RBBP6: variants seen among roughly 807,000 people sequenced by gnomAD.
The protein encoded by RBBP6 is RB binding protein 6, ubiquitin ligase, also known as E3 ubiquitin-protein ligase RBBP6.
A neutral mutation model predicts 167.7 loss-of-function variants in RBBP6; 25 were observed. The observed-to-expected ratio is 0.15, with a 90% confidence interval of 0.11 to 0.21. The LOEUF (loss-of-function observed/expected upper bound fraction) is 0.21. Among genes scored for constraint, RBBP6 ranks in the 10% least tolerant of loss-of-function variants. RBBP6 has a pLI of 1.00. For synonymous variants in RBBP6, 789 were observed against 735.8 expected (o/e 1.07, Z -1.17); for missense variants, 1,868 against 2,134.2 (o/e 0.88, Z 2.46).
chr16:24,564,078 A>G (rs190375093), intron 13 of RBBP6, among the ~76,000 whole-genome samples: 1 of 152,266 alleles, frequency 6.6e-6, no homozygotes, highest in Admixed American at 6.5e-5. Flanking sequence ...TAAATACATA[A>G]TAAGATTAAC....
chr16:24,540,504 C>G lies in RBBP6; in HGVS notation c.-123C>G. On this transcript the variant is annotated 5_prime_UTR_variant, in exon 1 of 18. Transcript: ENST00000319715. ...GGTTGGGGGGTATTTAATCTGAGGC[C>G]TTAGGGTCCTTCGGTGTCTTTGAGT... 1 of 1,001,188 alleles carries G rather than the reference C, an allele frequency of 1.0e-6. No individual in the cohort carries two copies. Among genetic ancestry groups the G allele is most frequent in the Non-Finnish European group, 1.4e-6 (1 of 693,312 alleles). 62.0% of individuals were successfully genotyped at this position (1,001,188 alleles called of 1,614,324 possible).
chr16:24,566,805 C>CTGTCAGTG (rs1461044789), intron 14 of RBBP6, among the ~76,000 whole-genome samples: 1 of 152,126 alleles, frequency 6.6e-6, no homozygotes, highest in Non-Finnish European at 1.5e-5. Context: ...CAGCATTAAC[C>CTGTCAGTG]TGTCAGTGCC....
At chr16:24,549,704 A>G (rs1300277307) in intron 3 of RBBP6, among the ~76,000 whole-genome samples, 1 of 152,020 alleles carries the variant, frequency 6.6e-6, no homozygotes, top group Non-Finnish European at 1.5e-5. Context: ...TTGAGTTTAT[A>G]TAAACTGATT....
intron 3 of RBBP6, among the ~76,000 whole-genome samples, chr16:24,550,371 G>GTTT (rs397952875): frequency 3.7e-4 from 50 of 134,252 alleles, no homozygotes; most frequent in Admixed American, 8.7e-4. Flanking sequence ...TTGTTTTTTT[G>GTTT]TTTTTTTTTT....
In RBBP6 at chr16:24,572,385, CAAAGAT is replaced by C. The variant is rs756010657; in HGVS notation, c.5325_5330del (p.Asp1775_Lys1776del). 9.7e-6 allele frequency: 15 copies of C among 1,547,646 alleles called. No individual in the cohort carries two copies. The highest frequency in any genetic ancestry group is 6.1e-6 in the Non-Finnish European group (7 of 1,145,862). On this transcript the variant is annotated inframe_deletion, in exon 18 of 18. Coordinates refer to ENST00000319715, the MANE Select transcript of RBBP6 (RefSeq NM_006910.5). ...ACAAGAAAAAGAAGTCAAAGAAGAA[CAAAGAT>C]AAAGAGAAGGAGAAGGAGAAAGATG...
At chr16:24,550,783 A>G (rs1300730604) in intron 3 of RBBP6, among the ~76,000 whole-genome samples, 1 of 151,436 alleles carries the variant, frequency 6.6e-6, no homozygotes, top group African/African-American at 2.4e-5. Context: ...TTTAGGTAGA[A>G]TTATCTGAAA....
chr16:24,548,033 GTTTTT>G (rs138805241), intron 2 of RBBP6, among the ~76,000 whole-genome samples: 3 of 149,366 alleles, frequency 2.0e-5, no homozygotes, highest in African/African-American at 7.4e-5. Context: ...TCAAAGCTCA[GTTTTT>G]TTTTTATCTC....
In RBBP6 at chr16:24,570,511, T is replaced by G; in HGVS notation, c.3809+12T>G. 1.3e-6 allele frequency: 2 copies of G among 1,551,730 alleles called. No homozygotes were observed. The highest frequency in any genetic ancestry group is 1.7e-6 in the Non-Finnish European group (2 of 1,159,324). On this transcript the variant is annotated intron_variant, in intron 17 of 17. Transcript: ENST00000319715. ...GTGGATTACACCAGGTAGCTGAGTGTAGGGGGTGGGTGTGGAACTTTGTTG... is the reference window on the plus strand; with the variant it reads ...GTGGATTACACCAGGTAGCTGAGTGGAGGGGGTGGGTGTGGAACTTTGTTG...
rs1157151335 is a variant in RBBP6 at position 24,561,882 on chromosome 16, C to T, written c.1010C>T (p.Pro337Leu). The T allele has an allele frequency of 3.7e-6, 6 of 1,613,728 alleles. No homozygotes were observed. The highest frequency in any genetic ancestry group is 5.1e-6 in the Non-Finnish European group (6 of 1,179,892). ...ACAAAAAGACTACGAAAACAGTTAC[C>T]TCCTCCACCACCCCCAATACCACCT... ...GYTKRLRKQLPPPPPPIPPPR... is the reference protein window; with the variant it reads ...GYTKRLRKQLLPPPPPIPPPR... Residue 337 changes from proline (P) to leucine (L), a missense_variant, in exon 10 of 18, where the codon CCT (proline) becomes CTT (leucine). This residue lies in a region of RBBP6 where 245 missense variants were observed against 240.1 expected (regional missense o/e 1.02). Coordinates refer to ENST00000319715, the MANE Select transcript of RBBP6 (RefSeq NM_006910.5).
rs765269870 is a variant in RBBP6 at position 24,563,278 on chromosome 16, G to A, written c.1369G>A (p.Ala457Thr). The stretch of plus-strand genomic sequence containing the variant: ...GGGAACCTCCTCAATTGCAATTACC[G>A]CTCTTATGGAAGAGAAGGTAAATTT... ...SKGTSSIAIT[A>T]LMEEKGYQVP... Residue 457 changes from alanine (A) to threonine (T), a missense_variant, in exon 11 of 18, where the codon GCT (alanine) becomes ACT (threonine). Ala to Thr is a moderately conservative substitution (Grantham distance 58, BLOSUM62 0). Transcript: ENST00000319715. 1.9e-5 allele frequency: 31 copies of A among 1,609,080 alleles called. No homozygotes were observed. The highest frequency in any genetic ancestry group is 1.6e-4 in the Middle Eastern group (1 of 6,070).
chr16:24,540,788 A>G lies in RBBP6; in HGVS notation c.162A>G (p.Lys54=). The change falls in exon 1 of 18, where the codon AAA becomes AAG. Residue 54 remains lysine, a synonymous_variant. Transcript: ENST00000319715. The part of the protein sequence containing the change: ...CDLQITNAQT[K]EEYTDDNALI... ...TGCAGATCACCAATGCGCAGACGAA[A>G]GAAGGTAAGGGCCGCTTGGTCTTAA... The G allele has an allele frequency of 4.3e-6, 7 of 1,612,784 alleles. No homozygotes were observed. The highest frequency in any genetic ancestry group is 5.9e-6 in the Non-Finnish European group (7 of 1,179,644).
At position 24,568,974 on chromosome 16, in the gene RBBP6, C is replaced by T. The variant is rs1899259342; in HGVS notation, c.2284C>T (p.Pro762Ser). 3.7e-6 allele frequency: 6 copies of T among 1,614,112 alleles called. No individual in the cohort carries two copies. Among genetic ancestry groups the T allele is most frequent in the Non-Finnish European group, 4.2e-6 (5 of 1,179,996 alleles). Residue 762 changes from proline to serine, a missense_variant, in exon 17 of 18, where the codon CCT becomes TCT. By Grantham distance (74) the Pro-to-Ser change is moderately conservative (BLOSUM62 -1). This residue lies in a region of RBBP6 where 673 missense variants were observed against 691.5 expected (regional missense o/e 0.97). Transcript: ENST00000319715. ...GYHRSRSRSP[P>S]YRRYHSRSRS... ...TCATCGATCTAGGTCAAGGTCACCC[C>T]CTTACAGACGCTATCATTCACGATC... is the stretch of plus-strand genomic sequence containing the variant.
intron 3 of RBBP6, among the ~76,000 whole-genome samples, chr16:24,551,096 C>T (rs904582203): frequency 6.6e-6 from 1 of 151,780 alleles, no homozygotes; most frequent in Non-Finnish European, 1.5e-5. Context: ...GTTGATACCC[C>T]AAAGCTGGAT....
chr16:24,561,555 C>T (rs574739779), intron 8 of RBBP6, 57 bp from the exon 9 acceptor site: 47 of 1,394,408 alleles, frequency 3.4e-5, no homozygotes, highest in African/African-American at 7.5e-5. Flanking sequence ...TAATTCATTT[C>T]GTAAACACTT....
chr16:24,567,030 G>C, intron 14 of RBBP6, 113 bp from the exon 15 acceptor site: 1 of 1,101,386 alleles, frequency 9.1e-7, no homozygotes, highest in Non-Finnish European at 1.3e-6. Flanking sequence ...TGAATAGTTG[G>C]TTCTATTCCA....
At chr16:24,563,693 A>G (rs2141473628) in intron 13 of RBBP6, 29 bp downstream of exon 13, 2 of 1,599,746 alleles carry the variant, frequency 1.3e-6, no homozygotes. Flanking sequence ...TAATCTTCAG[A>G]TGATTGCCTG....
Position 24,569,350 on chromosome 16 carries a change from A to G in RBBP6, c.2660A>G (p.Gln887Arg). The G allele has an allele frequency of 1.9e-6, 3 of 1,614,110 alleles. No homozygotes were observed. In the South Asian group the frequency reaches 3.3e-5, roughly 18 times the overall value. Residue 887 changes from glutamine to arginine, a missense_variant, in exon 17 of 18, where the codon CAA becomes CGA. Around this residue, in one of 7 missense-constraint regions of RBBP6, gnomAD observed 673 missense variants for 691.5 expected, o/e 0.97. Transcript: ENST00000319715. ...CGCAGAGAAGACTATGTTGGTGGGC[A>G]AAGTCATAGAAGTCGAAACATAGGT... is the stretch of plus-strand genomic sequence containing the variant. ...RGRREDYVGGQSHRSRNIGSN... is the reference protein window; with the variant it reads ...RGRREDYVGGRSHRSRNIGSN...
In RBBP6 at chr16:24,540,441, G is replaced by C; in HGVS notation, c.-186G>C. On this transcript the variant is annotated 5_prime_UTR_variant, in exon 1 of 18. Coordinates refer to ENST00000319715, the MANE Select transcript of RBBP6 (RefSeq NM_006910.5). ...CCATGAAGTGATTCTGAGTATCGGG[G>C]GGTCTCTGGATTATTGTTCTGACGA... 2 of 493,842 alleles carry C rather than the reference G, an allele frequency of 4.0e-6. No homozygotes were observed. The highest frequency in any genetic ancestry group is 7.1e-6 in the Non-Finnish European group (2 of 282,908). The allele number at this position is 493,842 out of a possible 1,614,324, so 30.6% of individuals were successfully genotyped here. A position where few individuals can be genotyped will look rare whatever the true frequency, so the allele number is the denominator to read the frequency against.
Position 24,572,686 on chromosome 16 carries a change from CATTA to C in RBBP6, c.*246_*249del, listed in dbSNP as rs1899370248. ...GCTAGGGCCTATTATTTTTAACCACCATTAATTAGTTGGGGTGGAGTTTACTGTA... is the reference window on the plus strand; with the variant it reads ...GCTAGGGCCTATTATTTTTAACCACCATTAGTTGGGGTGGAGTTTACTGTA... On this transcript the variant is annotated 3_prime_UTR_variant, in exon 18 of 18. Transcript: ENST00000319715. 9.5e-6 allele frequency: 4 copies of C among 421,762 alleles called. No individual in the cohort carries two copies. Among genetic ancestry groups the C allele is most frequent in the Non-Finnish European group, 4.0e-6 (1 of 252,248 alleles). 26.1% of individuals were successfully genotyped at this position (421,762 alleles called of 1,614,324 possible).
Sources: allele counts gnomAD v4.1 joint callset (sites outside exome capture counted in the v4.1 genomes callset), GRCh38; gene constraint gnomAD v4.1.1; regional missense constraint gnomAD v4.1.1; transcripts MANE v1.5; gene names NCBI Gene and HGNC (gene_info 2026-07-23, HGNC 2026-07-21).